Variants in TLE7 observed in about 807,000 individuals in gnomAD.
TLE7 encodes transducin-like enhancer protein 7.
chr16:71,437,960 G>T (rs1017058720), intron 1 of TLE7, among the ~76,000 whole-genome samples: 1 of 152,140 alleles, frequency 6.6e-6, no homozygotes, highest in Non-Finnish European at 1.5e-5. Context: ...GGAAAGAGAG[G>T]GTCCTGATCC....
At chr16:71,435,816 G>T (rs1042241322) in intron 1 of TLE7, among the ~76,000 whole-genome samples, 3 of 152,166 alleles carry the variant, frequency 2.0e-5, no homozygotes, top group Admixed American at 1.3e-4. Flanking sequence ...CTTGCGTCAG[G>T]CTCCTCTAAT....
intron 1 of TLE7, among the ~76,000 whole-genome samples, chr16:71,439,944 GA>G (rs1226152830): frequency 2.6e-5 from 4 of 152,146 alleles, no homozygotes; most frequent in African/African-American, 9.7e-5. Flanking sequence ...TAGCCAAAAA[GA>G]AACAACCCAA....
At position 71,431,449 on chromosome 16, in the gene TLE7, C is replaced by T; in HGVS notation, c.965G>A (p.Arg322Lys). The T allele has an allele frequency of 2.5e-6, 1 of 400,864 alleles. No individual in the cohort carries two copies. The highest frequency in any genetic ancestry group is 2.0e-5 in the African/African-American group (1 of 48,828). 24.8% of individuals were successfully genotyped at this position (400,864 alleles called of 1,614,324 possible). The change falls in exon 7 of 10, where the codon AGG (arginine) becomes AAG (lysine). Residue 322 changes from arginine (R) to lysine (K), a missense_variant. By Grantham distance (26) the Arg-to-Lys change is conservative (BLOSUM62 2). Transcript: ENST00000561754. The surrounding 1 kb of genome is among the most constrained non-coding windows in gnomAD (Gnocchi z 4.5). The part of the protein sequence containing the change: ...LYSWDLRSYQ[R>K]LHQHNLQNEI... ...ATTCTGTAAGTTGTGTTGGTGCAGC[C>T]TCTGGTAGCTCCTCAGGTCCCAGGA...
intron 1 of TLE7, 49 bp from the exon 2 acceptor site, chr16:71,433,469 G>C (rs1037635014): frequency 2.5e-6 from 1 of 397,224 alleles, no homozygotes; most frequent in Non-Finnish European, 4.4e-6. Context: ...TGCTCTGTAG[G>C]GTCTCTTTAG....
At chr16:71,440,866 G>T (rs756789078) in intron 1 of TLE7, among the ~76,000 whole-genome samples, 3 of 152,166 alleles carry the variant, frequency 2.0e-5, no homozygotes, top group Non-Finnish European at 4.4e-5. Flanking sequence ...GACAATGCAC[G>T]GCCAGGCCCC....
At chr16:71,439,672 A>T (rs1005039555) in intron 1 of TLE7, among the ~76,000 whole-genome samples, 9 of 152,176 alleles carry the variant, frequency 5.9e-5, no homozygotes, top group Admixed American at 5.9e-4. Flanking sequence ...GTAATAGATC[A>T]CTTCACACAC....
intron 2 of TLE7, 34 bp downstream of exon 2, chr16:71,432,980 C>T (rs2042813162): frequency 2.5e-6 from 1 of 399,088 alleles, no homozygotes; most frequent in Admixed American, 4.4e-5. Context: ...TCCAGTTTGC[C>T]ACCCCCACTG....
At position 71,433,341 on chromosome 16, in the gene TLE7, G is replaced by A; in HGVS notation, c.-17C>T. On this transcript the variant is annotated 5_prime_UTR_variant, in exon 2 of 10. Coordinates refer to ENST00000561754, the MANE Select transcript of TLE7 (RefSeq NM_001367365.2). ...TCCACTCATGTTCTTAGATCAGTGA[G>A]GTGTCTGGACCACCCGGTTCTAGGA... 2 of 398,646 alleles carry A rather than the reference G, an allele frequency of 5.0e-6. No homozygotes were observed. The highest frequency in any genetic ancestry group is 8.8e-6 in the Non-Finnish European group (2 of 226,110). The allele number at this position is 398,646 out of a possible 1,614,324, so 24.7% of individuals were successfully genotyped here. A position where few individuals can be genotyped will look rare whatever the true frequency, so the allele number is the denominator to read the frequency against.
chr16:71,432,924 CAG>C, intron 2 of TLE7, 32 bp from the exon 3 acceptor site: 2 of 399,160 alleles, frequency 5.0e-6, no homozygotes, highest in Middle Eastern at 6.3e-4. Flanking sequence ...AGGGAGGAGA[CAG>C]AGTGTGAGCC....
At position 71,431,690 on chromosome 16, in the gene TLE7, A is replaced by T. The variant is rs1051568326; in HGVS notation, c.851+71T>A. On this transcript the variant is annotated intron_variant, in intron 6 of 9. Coordinates refer to ENST00000561754, the MANE Select transcript of TLE7 (RefSeq NM_001367365.2). This position sits in a 1 kb window ranked among gnomAD's most constrained non-coding sequence, Gnocchi z 4.5. ...CACTGACTCGCCCAGCCCTAATGCA[A>T]AGAGGGGAAAGAGCCTCACTGGCAA... is the stretch of plus-strand genomic sequence containing the variant. 9.2e-5 allele frequency: 37 copies of T among 400,432 alleles called. No homozygotes were observed. The East Asian group carries it at 1.3e-3, about 14-fold the overall frequency. The allele number at this position is 400,432 out of a possible 1,614,324, so 24.8% of individuals were successfully genotyped here.
At chr16:71,441,315 C>G (rs2042846836) in intron 1 of TLE7, among the ~76,000 whole-genome samples, 1 of 152,264 alleles carries the variant, frequency 6.6e-6, no homozygotes, top group Admixed American at 6.5e-5. Flanking sequence ...GAACTGCTGG[C>G]CCCAAGCAAT....
chr16:71,436,954 G>A (rs544489467), intron 1 of TLE7, among the ~76,000 whole-genome samples: 22 of 152,322 alleles, frequency 1.4e-4, no homozygotes, highest in African/African-American at 5.1e-4. Flanking sequence ...GGGCACAGTG[G>A]CTCACACCTG....
intron 1 of TLE7, among the ~76,000 whole-genome samples, chr16:71,436,969 C>T (rs2042828677): frequency 6.6e-6 from 1 of 152,210 alleles, no homozygotes. Flanking sequence ...CACCTGTAAT[C>T]CCAGCACTTG....
Position 71,431,092 on chromosome 16 carries a change from C to T in TLE7, c.1147+29G>A. On this transcript the variant is annotated intron_variant, in intron 8 of 9. Transcript: ENST00000561754. The surrounding 1 kb of genome is among the most constrained non-coding windows in gnomAD (Gnocchi z 4.5). ...CGACAGCAAGTTCAAAATCGGACAC[C>T]CAGAGGTGTCACCTGGCTTCTCACT... 5.0e-6 allele frequency: 2 copies of T among 400,658 alleles called. No homozygotes were observed. Among genetic ancestry groups the T allele is most frequent in the Non-Finnish European group, 8.8e-6 (2 of 226,234 alleles). 24.8% of individuals were successfully genotyped at this position (400,658 alleles called of 1,614,324 possible).
rs185781645 is a variant in TLE7, at chr16:71,433,357, G to A, written c.-33C>T. 3.8e-4 allele frequency: 153 copies of A among 398,596 alleles called. No homozygotes were observed. Among genetic ancestry groups the A allele is most frequent in the East Asian group, 1.8e-3 (51 of 28,076 alleles). The allele number at this position is 398,596 out of a possible 1,614,324, so 24.7% of individuals were successfully genotyped here. The stretch of plus-strand genomic sequence containing the variant: ...GATCAGTGAGGTGTCTGGACCACCC[G>A]GTTCTAGGACTTGACAAATAGACCC... On this transcript the variant is annotated 5_prime_UTR_variant, in exon 2 of 10. Coordinates refer to ENST00000561754, the MANE Select transcript of TLE7 (RefSeq NM_001367365.2).
intron 2 of TLE7, 26 bp downstream of exon 2, chr16:71,432,988 C>T: frequency 2.5e-6 from 1 of 399,100 alleles, no homozygotes; most frequent in East Asian, 3.6e-5. Flanking sequence ...GCCACCCCCA[C>T]TGAGTCAGGT....
chr16:71,438,040 A>G (rs937641111), intron 1 of TLE7, among the ~76,000 whole-genome samples: 6 of 152,184 alleles, frequency 3.9e-5, no homozygotes, highest in African/African-American at 1.4e-4. Flanking sequence ...GCGTGAAAGA[A>G]ACAAGTTTAT....
rs1003376941 is a variant in TLE7, at chr16:71,432,910, A to G, written c.312-18T>C. On this transcript the variant is annotated intron_variant, in intron 2 of 9. Coordinates refer to ENST00000561754, the MANE Select transcript of TLE7 (RefSeq NM_001367365.2). ...GTAGGAAGCTACAACACATGGAGAG[A>G]GGGAGGGAGGAGACAGAGTGTGAGC... 17 of 398,836 alleles carry G rather than the reference A, an allele frequency of 4.3e-5. No individual in the cohort carries two copies. The highest frequency in any genetic ancestry group is 1.8e-4 in the East Asian group (5 of 28,090). 24.7% of individuals were successfully genotyped at this position (398,836 alleles called of 1,614,324 possible). A position where few individuals can be genotyped will look rare whatever the true frequency, so the allele number is the denominator to read the frequency against.
intron 1 of TLE7, among the ~76,000 whole-genome samples, chr16:71,440,204 A>G (rs1225000877): frequency 6.6e-6 from 1 of 152,222 alleles, no homozygotes; most frequent in African/African-American, 2.4e-5. Flanking sequence ...GCAAAGGGGA[A>G]TGGGACGCCA....
Sources: allele counts gnomAD v4.1 joint callset (sites outside exome capture counted in the v4.1 genomes callset), GRCh38; gene constraint gnomAD v4.1.1; non-coding constraint Gnocchi (gnomAD v3.1); transcripts MANE v1.5; gene names NCBI Gene and HGNC (gene_info 2026-07-23, HGNC 2026-07-21).